NDUFB1: variants seen among roughly 807,000 people sequenced by gnomAD.
The protein encoded by NDUFB1 is NADH:ubiquinone oxidoreductase subunit B1, also known as NADH dehydrogenase [ubiquinone] 1 beta subcomplex subunit 1.
In NDUFB1, 6 loss-of-function variants were observed where a neutral mutation model predicts 6.7. The ratio of observed to expected loss-of-function variants is 0.89; its 90% CI spans 0.49 to 1.76. The LOEUF (loss-of-function observed/expected upper bound fraction) is 1.76, where lower values mean the gene tolerates loss of function less well. Ranked by LOEUF, NDUFB1 falls within the 40% of genes most tolerant of loss-of-function variation. The pLI is 0.01. For synonymous variants in NDUFB1, 17 were observed against 22.9 expected, an observed-to-expected ratio of 0.74 and a Z score of 0.74; for missense variants, 56 against 71.0, an observed-to-expected ratio of 0.79 and a Z score of 0.76.
At chr14:92,118,221 C>A in intron 1 of NDUFB1, 1 of 153,618 alleles carries the variant, frequency 6.5e-6, no homozygotes, top group Admixed American at 6.4e-5. Flanking sequence ...TGATGTGATA[C>A]GATACAGAGC....
chr14:92,121,305 A>G (rs1478381169), intron 1 of NDUFB1: 4 of 438,064 alleles, frequency 9.1e-6, no homozygotes, highest in Non-Finnish European at 1.7e-5. Flanking sequence ...CTGCTCGCGG[A>G]GGGGAGGCAG....
At chr14:92,121,439 T>C in intron 1 of NDUFB1, 2 of 779,994 alleles carry the variant, frequency 2.6e-6, no homozygotes, top group Non-Finnish European at 2.0e-6. Flanking sequence ...CAGAAAACCC[T>C]TTCCAAAAGC....
rs1596115347 is a variant in NDUFB1, at chr14:92,116,145, T to C, written c.*48A>G. On this transcript the variant is annotated 3_prime_UTR_variant, in exon 3 of 3. Coordinates refer to ENST00000605997, the MANE Select transcript of NDUFB1 (RefSeq NM_004545.4). The stretch of plus-strand genomic sequence containing the variant: ...ACATTTCAGATTCTTCATGTTTTTA[T>C]TTCTCTCAGAACTTTAAAATGTGAA... 6.5e-7 allele frequency: 1 copy of C among 1,530,324 alleles called. No individual in the cohort carries two copies. Among genetic ancestry groups the C allele is most frequent in the Non-Finnish European group, 9.1e-7 (1 of 1,104,544 alleles). 94.8% of individuals were successfully genotyped at this position (1,530,324 alleles called of 1,614,324 possible). A position where few individuals can be genotyped will look rare whatever the true frequency, so the allele number is the denominator to read the frequency against.
At position 92,121,678 on chromosome 14, in the gene NDUFB1, G is replaced by C; in HGVS notation, c.-42C>G. 6.2e-6 allele frequency: 10 copies of C among 1,613,702 alleles called. No homozygotes were observed. The highest frequency in any genetic ancestry group is 5.0e-5 in the Admixed American group (3 of 59,988). ...GCGCCTACAGCGACCCCGAGACCAA[G>C]GGCAACAGGGAACTCAACCCGCGCC... On this transcript the variant is annotated 5_prime_UTR_variant, in exon 1 of 3. Coordinates refer to ENST00000605997, the MANE Select transcript of NDUFB1 (RefSeq NM_004545.4).
At chr14:92,119,845 TTGAACTCC>T (rs1233658484) in intron 1 of NDUFB1, among the ~76,000 whole-genome samples, 1 of 152,118 alleles carries the variant, frequency 6.6e-6, no homozygotes, top group African/African-American at 2.4e-5. Context: ...CACTGCAGTC[TTGAACTCC>T]TGAGCTCAAG....
Position 92,117,632 on chromosome 14 carries a change from C to A in NDUFB1, c.6G>T (p.Val2=). The A allele has an allele frequency of 6.2e-7, 1 of 1,613,302 alleles. No homozygotes were observed. Among genetic ancestry groups the A allele is most frequent in the East Asian group, 2.2e-5 (1 of 44,864 alleles). Residue 2 remains valine, a synonymous_variant, in exon 2 of 3, where the codon GTG becomes GTT. Coordinates refer to ENST00000605997, the MANE Select transcript of NDUFB1 (RefSeq NM_004545.4). ...GGTCCCGCACAATCTGAAGTAAGTT[C>A]ACCATGATAGCTAAAAGAAAAAAAA... The part of the protein sequence containing the change: M[V]NLLQIVRDHW...
chr14:92,119,745 C>A (rs1010884306), intron 1 of NDUFB1, among the ~76,000 whole-genome samples: 1 of 151,732 alleles, frequency 6.6e-6, no homozygotes, highest in Non-Finnish European at 1.5e-5. Context: ...ATACACATAG[C>A]CTGAAGGTAA....
At chr14:92,116,481 G>T (rs904597266) in intron 2 of NDUFB1, among the ~76,000 whole-genome samples, 1 of 151,390 alleles carries the variant, frequency 6.6e-6, no homozygotes, top group Admixed American at 6.6e-5. Context: ...TTACAGCTGT[G>T]TGCCACCACA....
At chr14:92,121,528 G>A in intron 1 of NDUFB1, 114 bp downstream of exon 1, 12 of 1,471,564 alleles carry the variant, frequency 8.2e-6, no homozygotes, top group Non-Finnish European at 1.1e-5. Context: ...AAGCCCCGGG[G>A]AAGCCCAGAC....
At chr14:92,121,312 G>A in intron 1 of NDUFB1, 2 of 450,102 alleles carry the variant, frequency 4.4e-6, no homozygotes, top group Admixed American at 3.6e-5. Flanking sequence ...CGGAGGGGAG[G>A]CAGCGTCTTC....
chr14:92,121,238 T>G, intron 1 of NDUFB1: 1 of 268,108 alleles, frequency 3.7e-6, no homozygotes, highest in Non-Finnish European at 7.2e-6. Flanking sequence ...GATTTGCGAT[T>G]TGGAAGAGAG....
Position 92,119,699 on chromosome 14 carries a change from A to G in NDUFB1, c.-6+1943T>C, listed in dbSNP as rs1400280502. Among the ~76,000 whole-genome samples the G allele has an allele frequency of 2.0e-5, 3 of 152,234 alleles. No individual in the cohort carries two copies. The East Asian group carries it at 5.8e-4, about 29-fold the overall frequency. On this transcript the variant is annotated intron_variant, in intron 1 of 2. Coordinates refer to ENST00000605997, the MANE Select transcript of NDUFB1 (RefSeq NM_004545.4). ...GCTATCTTGGGGATAGGACCGAATT[A>G]AAACATAAAATTCATTTGTGTTTTA...
intron 1 of NDUFB1, among the ~76,000 whole-genome samples, chr14:92,119,678 T>C (rs1204486236): frequency 6.6e-6 from 1 of 152,224 alleles, no homozygotes; most frequent in Non-Finnish European, 1.5e-5. Flanking sequence ...TAATGAGCTA[T>C]CTTGGGGATA....
intron 1 of NDUFB1, 77 bp from the exon 2 acceptor site, chr14:92,117,719 C>T (rs966162467): frequency 6.2e-6 from 9 of 1,446,412 alleles, no homozygotes; most frequent in Non-Finnish European, 5.7e-6. Context: ...GCATCTGGGC[C>T]AGGTGCGGTG....
chr14:92,120,496 AT>A (rs1256692901), intron 1 of NDUFB1: 1 of 150,924 alleles, frequency 6.6e-6, no homozygotes, highest in African/African-American at 2.4e-5. Context: ...GATTACAGGT[AT>A]GCGCCACCAT....
chr14:92,121,584 C>G (rs1348240595), intron 1 of NDUFB1, 58 bp downstream of exon 1: 2 of 1,608,602 alleles, frequency 1.2e-6, no homozygotes. Flanking sequence ...CTAGAACCCT[C>G]CCCGCCACCG....
chr14:92,120,909 C>T (rs143578880), intron 1 of NDUFB1, among the ~76,000 whole-genome samples: 132 of 151,274 alleles, frequency 8.7e-4, no homozygotes, highest in African/African-American at 3.0e-3. Context: ...CGCCTGTAAT[C>T]CCAGCACTTT....
chr14:92,121,383 G>A (rs1035600613), intron 1 of NDUFB1: 19 of 581,256 alleles, frequency 3.3e-5, no homozygotes, highest in Middle Eastern at 4.6e-4. Context: ...TTAGCGGGCG[G>A]TCACTGGGTC....
At chr14:92,116,327 T>C in intron 2 of NDUFB1, 98 bp from the exon 3 acceptor site, 1 of 871,326 alleles carries the variant, frequency 1.1e-6, no homozygotes, top group Non-Finnish European at 1.7e-6. Flanking sequence ...CAATATTTCA[T>C]TTTCTTTTTT....
Sources: gnomAD v4.1 joint callset for allele counts (sites outside exome capture counted in the v4.1 genomes callset) on GRCh38, gnomAD v4.1.1 for gene constraint, MANE v1.5 for transcripts, NCBI Gene and HGNC (gene_info 2026-07-23, HGNC 2026-07-21) for gene names.